The following MAF variants were observed in gnomAD, a reference collection of about 807,000 sequenced individuals.
MAF encodes the protein MAF bZIP transcription factor.
A neutral mutation model predicts 22.0 loss-of-function variants in MAF; 10 were observed. The observed-to-expected ratio is 0.45, with a 90% CI of 0.28 to 0.77. The LOEUF (loss-of-function observed/expected upper bound fraction) is 0.77. MAF is among the 30% of genes least tolerant of loss of function. MAF has a pLI of 0.12. For missense variants in MAF, 544 were observed against 548.4 expected (o/e 0.99, Z 0.08); for synonymous variants, 337 against 255.8 (o/e 1.32, Z -3.03).
At chr16:79,528,091 T>A in the MAF span, among the ~76,000 whole-genome samples, 1 of 152,202 alleles carries the variant, frequency 6.6e-6, no homozygotes, top group East Asian at 1.9e-4. Flanking sequence ...GCAGTGAGCC[T>A]AGATTATGCC....
chr16:79,506,881 G>A, the MAF span, among the ~76,000 whole-genome samples: 1 of 152,122 alleles, frequency 6.6e-6, no homozygotes, highest in Non-Finnish European at 1.5e-5. Flanking sequence ...TATTTTTAGT[G>A]GGAATGGACA....
the MAF span, among the ~76,000 whole-genome samples, chr16:79,261,146 G>C: frequency 2.0e-5 from 3 of 151,606 alleles, no homozygotes; most frequent in African/African-American, 7.3e-5. Flanking sequence ...GCTCCCATGG[G>C]TATTTATTTA....
chr16:79,342,702 G>C, the MAF span, among the ~76,000 whole-genome samples: 1 of 152,018 alleles, frequency 6.6e-6, no homozygotes, highest in Non-Finnish European at 1.5e-5. Context: ...CAATGAAATA[G>C]ATACAATACA....
chr16:79,508,861 G>C, the MAF span, among the ~76,000 whole-genome samples: 1 of 152,174 alleles, frequency 6.6e-6, no homozygotes, highest in Non-Finnish European at 1.5e-5. Flanking sequence ...AAGGCTCGGG[G>C]AGAGGGAATG....
chr16:79,274,013 G>A, the MAF span, among the ~76,000 whole-genome samples: 5 of 144,406 alleles, frequency 3.5e-5, no homozygotes, highest in African/African-American at 1.3e-4. Context: ...AGAGTGCAAG[G>A]GCACGATCTC....
the MAF span, among the ~76,000 whole-genome samples, chr16:79,467,938 G>T: frequency 4.0e-5 from 6 of 151,110 alleles, no homozygotes; most frequent in African/African-American, 1.2e-4. Context: ...GGTGGTGGTC[G>T]TGGGGGGGTG....
At chr16:79,555,030 A>G in the MAF span, among the ~76,000 whole-genome samples, 1 of 152,120 alleles carries the variant, frequency 6.6e-6, no homozygotes, top group Non-Finnish European at 1.5e-5. Context: ...TTTGATTAAG[A>G]GGAGATGGGA....
chr16:79,474,720 G>A, the MAF span, among the ~76,000 whole-genome samples: 1 of 152,046 alleles, frequency 6.6e-6, no homozygotes, highest in Non-Finnish European at 1.5e-5. Flanking sequence ...TGCTGGTGAA[G>A]GAGGAAATCC....
At chr16:79,228,943 C>T in the MAF span, among the ~76,000 whole-genome samples, 61 of 151,888 alleles carry the variant, frequency 4.0e-4, no homozygotes, top group African/African-American at 1.4e-3. Flanking sequence ...AGACAGGGCA[C>T]GGTGGGGAAT....
the MAF span, among the ~76,000 whole-genome samples, chr16:79,286,882 C>T: frequency 6.6e-6 from 1 of 152,208 alleles, no homozygotes; most frequent in Non-Finnish European, 1.5e-5. Context: ...TTCCCCGCCT[C>T]CTCCCACACA....
the MAF span, among the ~76,000 whole-genome samples, chr16:79,262,109 TC>T: frequency 6.6e-6 from 1 of 152,150 alleles, no homozygotes; most frequent in African/African-American, 2.4e-5. Context: ...GAGAGTCCCT[TC>T]CGTGTACCAC....
the MAF span, among the ~76,000 whole-genome samples, chr16:79,518,716 C>A: frequency 2.6e-5 from 4 of 152,272 alleles, no homozygotes; most frequent in Non-Finnish European, 5.9e-5. Context: ...GTGCTTTATA[C>A]CTCAGGTCGG....
chr16:79,597,148 AC>A, intron 1 of MAF: 1 of 1,056,942 alleles, frequency 9.5e-7, no homozygotes, highest in Non-Finnish European at 1.1e-6. Context: ...TGCAAACTCT[AC>A]CCCCCTTAAC....
chr16:79,576,666 T>C, the MAF span, among the ~76,000 whole-genome samples: 1 of 152,122 alleles, frequency 6.6e-6, no homozygotes, highest in African/African-American at 2.4e-5. Context: ...AACGGCAAAG[T>C]GATTCTAAAA....
the MAF span, among the ~76,000 whole-genome samples, chr16:79,482,175 T>C: frequency 6.6e-6 from 1 of 152,250 alleles, no homozygotes; most frequent in Non-Finnish European, 1.5e-5. Context: ...GAACCTATCC[T>C]GGTTTCTAAC....
chr16:79,250,267 G>A, the MAF span, among the ~76,000 whole-genome samples: 1 of 152,210 alleles, frequency 6.6e-6, no homozygotes, highest in Non-Finnish European at 1.5e-5. Flanking sequence ...TCCTTGCAAA[G>A]GAGGCCATCC....
chr16:79,265,841 T>A, the MAF span, among the ~76,000 whole-genome samples: 2 of 152,152 alleles, frequency 1.3e-5, no homozygotes, highest in Non-Finnish European at 2.9e-5. Flanking sequence ...TACTACCAAA[T>A]GAAATAAGGG....
the MAF span, among the ~76,000 whole-genome samples, chr16:79,252,806 C>T: frequency 2.0e-5 from 3 of 152,000 alleles, no homozygotes; most frequent in Non-Finnish European, 4.4e-5. Flanking sequence ...TTGATTTTTG[C>T]CCCTGTGAGT....
chr16:79,352,532 G>A, the MAF span, among the ~76,000 whole-genome samples: 2 of 152,130 alleles, frequency 1.3e-5, no homozygotes, highest in Non-Finnish European at 2.9e-5. Flanking sequence ...TGGAGCACTG[G>A]GTGCTAGAAA....
Sources: allele counts gnomAD v4.1 joint callset (sites outside exome capture counted in the v4.1 genomes callset), GRCh38; gene constraint gnomAD v4.1.1; transcripts MANE v1.5; gene names NCBI Gene and HGNC (gene_info 2026-07-23, HGNC 2026-07-21).